Variants in LRP1B observed in about 807,000 individuals in gnomAD.
LRP1B encodes low-density lipoprotein receptor-related protein 1B.
LRP1B carries 217 observed loss-of-function variants against 556.6 expected under a neutral mutation model. The observed-to-expected ratio is 0.39, with a 90% CI of 0.35 to 0.44. The LOEUF is 0.44. Ranked by LOEUF, LRP1B falls within the 20% of genes least tolerant of loss-of-function variation. The pLI is 1.00. For synonymous variants in LRP1B, 2,047 were observed against 1,865.8 expected (o/e 1.10, Z -2.50); for missense variants, 5,053 against 5,620.8 (o/e 0.90, Z 3.23).
At chr2:141,714,625 G>A (rs1692504182) in intron 2 of LRP1B, among the ~76,000 whole-genome samples, 1 of 151,950 alleles carries the variant, frequency 6.6e-6, no homozygotes, top group Admixed American at 6.6e-5. Flanking sequence ...GTTGCTTCAG[G>A]CCTCAGACAA....
In LRP1B at chr2:141,180,617, C is replaced by T. The variant is rs1680947230; in HGVS notation, c.1013+7804G>A. On this transcript the variant is annotated intron_variant, in intron 7 of 90. Coordinates refer to ENST00000389484, the MANE Select transcript of LRP1B (RefSeq NM_018557.3). ...ATCAGTTTCCTAAACTATGTCTTTACAAATAAAAACAGGGATATGAGTGTG... is the reference window on the plus strand; with the variant it reads ...ATCAGTTTCCTAAACTATGTCTTTATAAATAAAAACAGGGATATGAGTGTG... Among the ~76,000 whole-genome samples, 7 of 151,772 alleles carry T rather than the reference C, an allele frequency of 4.6e-5. No homozygotes were observed. The South Asian group carries it at 1.5e-3, about 32-fold the overall frequency.
rs560890709 is a variant in LRP1B, at chr2:140,621,225, C to CA, written c.6800-19587dup. ...TGAAACCCCATCTCTACTAAAAATA[C>CA]AAAAAAAAAAATTAGCCGGGTGTGG... On this transcript the variant is annotated intron_variant, in intron 41 of 90. Coordinates refer to ENST00000389484, the MANE Select transcript of LRP1B (RefSeq NM_018557.3). 4.8e-3 allele frequency among the ~76,000 whole-genome samples: 676 copies of CA among 141,672 alleles called. 8 individuals are homozygous for CA. Among genetic ancestry groups the CA allele is most frequent in the Middle Eastern group, 0.037 (10 of 272 alleles). 92.9% of individuals were successfully genotyped at this position (141,672 alleles called of 152,430 possible). A position where few individuals can be genotyped will look rare whatever the true frequency, so the allele number is the denominator to read the frequency against.
At chr2:141,400,142 G>A (rs1355083916) in intron 3 of LRP1B, among the ~76,000 whole-genome samples, 1 of 151,890 alleles carries the variant, frequency 6.6e-6, no homozygotes, top group Non-Finnish European at 1.5e-5. Flanking sequence ...CACCACAACT[G>A]GCTAGTTAAA....
chr2:141,138,927 A>C (rs1427289188), intron 7 of LRP1B, among the ~76,000 whole-genome samples: 2 of 151,990 alleles, frequency 1.3e-5, no homozygotes, highest in African/African-American at 4.8e-5. Flanking sequence ...GATAAACAAC[A>C]AAATTGGATA....
intron 86 of LRP1B, among the ~76,000 whole-genome samples, chr2:140,260,809 G>A (rs780511959): frequency 6.6e-6 from 1 of 151,536 alleles, no homozygotes; most frequent in Non-Finnish European, 1.5e-5. Context: ...TTTCTGCTCT[G>A]GTTTTCTCTT....
intron 32 of LRP1B, among the ~76,000 whole-genome samples, chr2:140,810,203 A>AT (rs5834779): frequency 0.46 from 69,903 of 151,772 alleles, 17,332 homozygotes; most frequent in East Asian, 0.66. Context: ...GTTCAAAGAG[A>AT]TTTTTTTTAA....
intron 66 of LRP1B, among the ~76,000 whole-genome samples, chr2:140,431,413 C>T (rs1051814131): frequency 6.6e-6 from 1 of 152,070 alleles, no homozygotes; most frequent in African/African-American, 2.4e-5. Flanking sequence ...GGACTGTGCC[C>T]CAAAAAACTT....
intron 7 of LRP1B, among the ~76,000 whole-genome samples, chr2:141,093,754 G>A (rs771740901): frequency 3.3e-5 from 5 of 151,020 alleles, no homozygotes; most frequent in South Asian, 2.1e-4. Flanking sequence ...TTGCTTTGTC[G>A]TCCAGGCTGG....
At chr2:140,386,069 G>A (rs984814749) in intron 66 of LRP1B, 60 bp from the exon 67 acceptor site, 20 of 991,350 alleles carry the variant, frequency 2.0e-5, no homozygotes, top group East Asian at 4.9e-5. Flanking sequence ...CCCTCACAAC[G>A]TCCTCACTGC....
At chr2:140,626,627 T>C (rs918875941) in intron 41 of LRP1B, among the ~76,000 whole-genome samples, 1 of 151,432 alleles carries the variant, frequency 6.6e-6, no homozygotes, top group South Asian at 2.1e-4. Context: ...TATCTTCCTG[T>C]ATGCAAAGGA....
At chr2:141,618,847 T>C (rs1437235839) in intron 2 of LRP1B, among the ~76,000 whole-genome samples, 1 of 152,216 alleles carries the variant, frequency 6.6e-6, no homozygotes, top group Admixed American at 6.5e-5. Flanking sequence ...AGGGAGTCCA[T>C]CTGGAGGCTG....
intron 1 of LRP1B, among the ~76,000 whole-genome samples, chr2:141,924,156 C>A (rs1413654428): frequency 6.6e-6 from 1 of 151,778 alleles, no homozygotes; most frequent in African/African-American, 2.4e-5. Flanking sequence ...AACCTCGAAC[C>A]CCAGGCTCCA....
intron 2 of LRP1B, among the ~76,000 whole-genome samples, chr2:141,756,731 C>T (rs1288879172): frequency 6.6e-6 from 1 of 152,040 alleles, no homozygotes; most frequent in Admixed American, 6.6e-5. Flanking sequence ...CAGCTGCCTA[C>T]AGTGTTCAGT....
intron 20 of LRP1B, among the ~76,000 whole-genome samples, chr2:140,924,800 C>A (rs1396000570): frequency 1.3e-5 from 2 of 151,992 alleles, no homozygotes; most frequent in Non-Finnish European, 1.5e-5. Context: ...ACTTGGTTTG[C>A]ACACACACAA....
chr2:140,591,811 A>G (rs1475070040), intron 43 of LRP1B, among the ~76,000 whole-genome samples: 1 of 152,154 alleles, frequency 6.6e-6, no homozygotes, highest in East Asian at 1.9e-4. Flanking sequence ...ATTTCAGGAG[A>G]TTTAATATAT....
chr2:141,773,609 T>C (rs1001947726), intron 2 of LRP1B, among the ~76,000 whole-genome samples: 1 of 152,214 alleles, frequency 6.6e-6, no homozygotes, highest in Non-Finnish European at 1.5e-5. Context: ...TTTTAGAAGG[T>C]TTCTTGGCAT....
chr2:141,889,837 C>G (rs548050519), intron 1 of LRP1B, among the ~76,000 whole-genome samples: 8 of 152,120 alleles, frequency 5.3e-5, no homozygotes, highest in Non-Finnish European at 1.0e-4. Context: ...AATCAGAACT[C>G]AAGAAATTGA....
intron 2 of LRP1B, among the ~76,000 whole-genome samples, chr2:141,486,740 A>C (rs930213942): frequency 6.6e-6 from 1 of 152,084 alleles, no homozygotes; most frequent in Non-Finnish European, 1.5e-5. Context: ...TTCTGAACTT[A>C]TGCCCAAGAA....
intron 43 of LRP1B, among the ~76,000 whole-genome samples, chr2:140,543,682 A>T (rs1333962603): frequency 6.6e-6 from 1 of 151,948 alleles, no homozygotes; most frequent in Non-Finnish European, 1.5e-5. Context: ...AGGCAAAAAT[A>T]AATAAATAAA....
Sources: allele counts gnomAD v4.1 joint callset (sites outside exome capture counted in the v4.1 genomes callset), GRCh38; gene constraint gnomAD v4.1.1; transcripts MANE v1.5; gene names NCBI Gene and HGNC (gene_info 2026-07-23, HGNC 2026-07-21).